SLC38A2: variants seen among roughly 807,000 people sequenced by gnomAD.
SLC38A2 encodes sodium-coupled neutral amino acid symporter 2.
A neutral mutation model predicts 61.5 loss-of-function variants in SLC38A2; 11 were observed. The observed-to-expected ratio is 0.18, with a 90% CI of 0.11 to 0.30. The LOEUF is 0.30. Ranked by LOEUF, SLC38A2 falls within the 10% of genes least tolerant of loss-of-function variation. SLC38A2 has a pLI of 1.00. For synonymous variants in SLC38A2, 217 were observed against 212.5 expected (o/e 1.02, Z -0.18); for missense variants, 522 against 600.4 (o/e 0.87, Z 1.36).
chr12:46,370,688 T>G (rs1374353145), intron 3 of SLC38A2, 61 bp from the exon 4 acceptor site: 2 of 1,553,068 alleles, frequency 1.3e-6, no homozygotes, highest in Admixed American at 3.4e-5. Flanking sequence ...AAAACCAGCT[T>G]TGGGCAAGTT....
At chr12:46,363,229 T>A in intron 12 of SLC38A2, 84 bp from the exon 13 acceptor site, 3 of 1,435,848 alleles carry the variant, frequency 2.1e-6, no homozygotes, top group Non-Finnish European at 2.9e-6. Flanking sequence ...TGTGCACCAG[T>A]TATTTAGCTA....
Position 46,359,934 on chromosome 12 carries a change from A to G in SLC38A2, c.*1177T>C, listed in dbSNP as rs369749365. ...GGCCTACGCAAAGAGAACTTATATC[A>G]TATCAAACATAGGTGTAACCTGTGG... On this transcript the variant is annotated 3_prime_UTR_variant, in exon 16 of 16. Coordinates refer to ENST00000256689, the MANE Select transcript of SLC38A2 (RefSeq NM_018976.5). The G allele has an allele frequency of 4.6e-5, 7 of 152,794 alleles. No homozygotes were observed. The highest frequency in any genetic ancestry group is 1.4e-4 in the African/African-American group (6 of 41,588). The allele number at this position is 152,794 out of a possible 1,614,324, so 9.5% of individuals were successfully genotyped here.
chr12:46,364,068 G>A (rs1943112731), intron 10 of SLC38A2, 65 bp from the exon 11 acceptor site: 2 of 1,350,318 alleles, frequency 1.5e-6, no homozygotes, highest in Non-Finnish European at 2.0e-6. Context: ...CATTTCCGCA[G>A]CATATATTTT....
rs1943185378 is a variant in SLC38A2 at position 46,370,608 on chromosome 12, A to G, written c.218T>C (p.Phe73Ser). Residue 73 changes from phenylalanine to serine, a missense_variant, in exon 4 of 16, where the codon TTT becomes TCT. This residue lies in a region of SLC38A2 where 111 missense variants were observed against 173.4 expected (regional missense o/e 0.64). Transcript: ENST00000256689. ...GCTCAGATTAAATACTGACATTCCA[A>G]AGGAAGTAGTACCTGGATGCTACAT... ...ETEFHPGTTS[F>S]GMSVFNLSNA... The G allele has an allele frequency of 1.2e-6, 2 of 1,613,960 alleles. No homozygotes were observed. Among genetic ancestry groups the G allele is most frequent in the African/African-American group, 2.7e-5 (2 of 75,062 alleles).
At chr12:46,364,734 G>C in intron 8 of SLC38A2, 32 bp from the exon 9 acceptor site, 1 of 1,571,194 alleles carries the variant, frequency 6.4e-7, no homozygotes, top group Non-Finnish European at 8.6e-7. Flanking sequence ...ATCAGTATTA[G>C]TTTAATGAAA....
At position 46,358,407 on chromosome 12, in the gene SLC38A2, T is replaced by A. The variant is rs1943044480; in HGVS notation, c.*2704A>T. The A allele has an allele frequency of 6.6e-6, 1 of 152,666 alleles. No homozygotes were observed. The highest frequency in any genetic ancestry group is 6.5e-5 in the Admixed American group (1 of 15,292). 9.5% of individuals were successfully genotyped at this position (152,666 alleles called of 1,614,324 possible). The stretch of plus-strand genomic sequence containing the variant: ...TTTTATTTCATTACACTAGATCACA[T>A]TTTGATTACTGCATTTTGAAAATGT... On this transcript the variant is annotated 3_prime_UTR_variant, in exon 16 of 16. Coordinates refer to ENST00000256689, the MANE Select transcript of SLC38A2 (RefSeq NM_018976.5).
intron 15 of SLC38A2, chr12:46,361,852 T>C (rs1943084988): frequency 6.3e-6 from 1 of 159,408 alleles, no homozygotes; most frequent in Non-Finnish European, 1.4e-5. Context: ...TACATAATAG[T>C]AAACACCATG....
At chr12:46,370,048 C>T (rs1943178552) in intron 4 of SLC38A2, among the ~76,000 whole-genome samples, 1 of 152,146 alleles carries the variant, frequency 6.6e-6, no homozygotes, top group Non-Finnish European at 1.5e-5. Context: ...TGGGTAAATA[C>T]CACCACACCT....
Position 46,366,937 on chromosome 12 carries a change from T to C in SLC38A2, c.490A>G (p.Ser164Gly), listed in dbSNP as rs1481610649. The C allele has an allele frequency of 6.2e-7, 1 of 1,613,626 alleles. No individual in the cohort carries two copies. The highest frequency in any genetic ancestry group is 8.5e-7 in the Non-Finnish European group (1 of 1,179,876). ...ITMQNIGAMS[S>G]YLFIVKYELP... ...TCATATTTCACTATGAAGAGGTAGCTTGACATAGCTGGAGGAAAACAAAAT... is the reference window on the plus strand; with the variant it reads ...TCATATTTCACTATGAAGAGGTAGCCTGACATAGCTGGAGGAAAACAAAAT... The change falls in exon 7 of 16, where the codon AGC (serine) becomes GGC (glycine). Residue 164 changes from serine (S) to glycine (G), a missense_variant. Ser to Gly is a moderately conservative substitution (Grantham distance 56). Transcript: ENST00000256689.
intron 15 of SLC38A2, among the ~76,000 whole-genome samples, chr12:46,361,539 A>G (rs902312477): frequency 6.6e-6 from 1 of 152,100 alleles, no homozygotes; most frequent in Admixed American, 6.6e-5. Context: ...AAGTCACAAA[A>G]TCAAACCCAA....
rs1186613610 is a variant in SLC38A2 at position 46,358,799 on chromosome 12, A to G, written c.*2312T>C. ...TTAATGGATTAATGTTGTTCTATAA[A>G]TAACATTACAGTTGTAACTGAAACA... On this transcript the variant is annotated 3_prime_UTR_variant, in exon 16 of 16. Transcript: ENST00000256689. The G allele has an allele frequency of 6.6e-6, 1 of 152,668 alleles. No homozygotes were observed. 9.5% of individuals were successfully genotyped at this position (152,668 alleles called of 1,614,324 possible). A position where few individuals can be genotyped will look rare whatever the true frequency, so the allele number is the denominator to read the frequency against.
chr12:46,366,822 G>T, intron 7 of SLC38A2, 42 bp downstream of exon 7: 2 of 1,514,376 alleles, frequency 1.3e-6, no homozygotes, highest in South Asian at 2.4e-5. Context: ...AACCACTTTT[G>T]ACTATAATTG....
At chr12:46,361,657 G>A (rs1943082946) in intron 15 of SLC38A2, among the ~76,000 whole-genome samples, 1 of 152,122 alleles carries the variant, frequency 6.6e-6, no homozygotes, top group Non-Finnish European at 1.5e-5. Context: ...AGTAAAACAA[G>A]ATGACAGTTG....
rs1214234171 is a variant in SLC38A2 at position 46,372,505 on chromosome 12, T to A, written c.-87+4A>T. On this transcript the variant is annotated splice_donor_region_variant and intron_variant, in intron 1 of 15. Transcript: ENST00000256689. ...TCCCACAGACGCCCCCCCGCACGCGTTACCTCGGTGGTCTCTATTCTCACG... is the reference window on the plus strand; with the variant it reads ...TCCCACAGACGCCCCCCCGCACGCGATACCTCGGTGGTCTCTATTCTCACG... 5.2e-5 allele frequency: 12 copies of A among 229,436 alleles called. No individual in the cohort carries two copies. Among genetic ancestry groups the A allele is most frequent in the Non-Finnish European group, 7.5e-5 (9 of 119,522 alleles). 14.2% of individuals were successfully genotyped at this position (229,436 alleles called of 1,614,324 possible).
intron 8 of SLC38A2, 81 bp downstream of exon 8, chr12:46,365,026 C>A: frequency 7.8e-7 from 1 of 1,285,676 alleles, no homozygotes; most frequent in South Asian, 1.3e-5. Flanking sequence ...CTTTTTCATT[C>A]TGATTAATTT....
rs1943060136 is a variant in SLC38A2 at position 46,359,641 on chromosome 12, TTAA to T, written c.*1467_*1469del. The T allele has an allele frequency of 6.6e-6, 1 of 152,494 alleles. No homozygotes were observed. The highest frequency in any genetic ancestry group is 1.5e-5 in the Non-Finnish European group (1 of 68,022). The allele number at this position is 152,494 out of a possible 1,614,324, so 9.4% of individuals were successfully genotyped here. A position where few individuals can be genotyped will look rare whatever the true frequency, so the allele number is the denominator to read the frequency against. ...CCTGATGAGCGAAGTACCACATTAT[TTAA>T]TAATATATTCACCATACACTGTGAC... On this transcript the variant is annotated 3_prime_UTR_variant, in exon 16 of 16. Transcript: ENST00000256689.
intron 13 of SLC38A2, 134 bp from the exon 14 acceptor site, chr12:46,362,772 CTG>C: frequency 1.9e-6 from 2 of 1,078,448 alleles, no homozygotes; most frequent in Non-Finnish European, 2.6e-6. Context: ...CTAAATAAAA[CTG>C]TGCCTCTTTC....
intron 8 of SLC38A2, 45 bp downstream of exon 8, chr12:46,365,062 G>T (rs920560765): frequency 6.7e-7 from 1 of 1,488,440 alleles, no homozygotes; most frequent in South Asian, 1.2e-5. Context: ...CCAACTAACT[G>T]GTGAGAGGCT....
chr12:46,361,513 T>G (rs1457465856), intron 15 of SLC38A2, among the ~76,000 whole-genome samples: 1 of 152,166 alleles, frequency 6.6e-6, no homozygotes, highest in Non-Finnish European at 1.5e-5. Flanking sequence ...TTTTGCAATT[T>G]TTTAGAATGA....
Sources: allele counts gnomAD v4.1 joint callset (sites outside exome capture counted in the v4.1 genomes callset), GRCh38; gene constraint gnomAD v4.1.1; regional missense constraint gnomAD v4.1.1; transcripts MANE v1.5; gene names NCBI Gene and HGNC (gene_info 2026-07-23, HGNC 2026-07-21).